ATP7A: variants seen among roughly 807,000 people sequenced by gnomAD.
ATP7A encodes the protein ATPase copper transporting alpha, also known as copper-transporting ATPase 1.
In ATP7A, 7 loss-of-function variants were observed where a neutral mutation model predicts 83.5. The ratio of observed to expected loss-of-function variants is 0.08; its 90% CI spans 0.05 to 0.16. The LOEUF (loss-of-function observed/expected upper bound fraction) is 0.16, where lower values mean the gene tolerates loss of function less well. Ranked by LOEUF, ATP7A falls within the 10% of genes least tolerant of loss-of-function variation. The pLI, the probability that ATP7A is intolerant of heterozygous loss-of-function variation, is 1.00. For synonymous variants in ATP7A, 354 were observed against 395.2 expected, an observed-to-expected ratio of 0.90 and a Z score of 1.24; for missense variants, 940 against 1,120.8, an observed-to-expected ratio of 0.84 and a Z score of 2.30.
chrX:77,999,311 T>G (rs1435135208), intron 5 of ATP7A, among the ~76,000 whole-genome samples: 1 of 111,707 alleles, frequency 9.0e-6, no homozygotes, highest in Non-Finnish European at 1.9e-5. Context: ...AATTTTCTTC[T>G]AAAGCTATGC....
At position 78,030,269 on chromosome X, in the gene ATP7A, CA is replaced by C. The variant is rs2077974370; in HGVS notation, c.3111+830del. On this transcript the variant is annotated intron_variant, in intron 15 of 22. Coordinates refer to ENST00000341514, the MANE Select transcript of ATP7A (RefSeq NM_000052.7). Reference sequence around the variant, plus strand: ...TGAAACCCCGTCTCTACTAAAAATACAAAAATTAGCTGGGCGAGTTGGCACA... The same window carrying C: ...TGAAACCCCGTCTCTACTAAAAATACAAAATTAGCTGGGCGAGTTGGCACA... Among the ~76,000 whole-genome samples, 3 of 110,984 alleles carry C rather than the reference CA, an allele frequency of 2.7e-5. No homozygotes were observed. In the South Asian group the frequency reaches 1.1e-3, roughly 42 times the overall value.
chrX:78,022,594 T>A (rs1230742587), intron 14 of ATP7A, among the ~76,000 whole-genome samples: 2 of 110,162 alleles, frequency 1.8e-5, no homozygotes, highest in Non-Finnish European at 3.8e-5. Context: ...CTCGGCTCAC[T>A]GCAACTTCCA....
At chrX:77,925,938 A>ATTTTTTTTTT in intron 1 of ATP7A, among the ~76,000 whole-genome samples, 1 of 103,719 alleles carries the variant, frequency 9.6e-6, no homozygotes, top group African/African-American at 3.6e-5. Context: ...TTTTAACGCC[A>ATTTTTTTTTT]TAAAGTGATC....
At chrX:78,012,789 A>C (rs1469330218) in intron 9 of ATP7A, 90 bp from the exon 10 acceptor site, 1 of 832,172 alleles carries the variant, frequency 1.2e-6, no homozygotes, top group African/African-American at 2.0e-5. Context: ...AAAGCCAAAG[A>C]AAGTGACTAT....
intron 1 of ATP7A, among the ~76,000 whole-genome samples, chrX:77,950,246 G>A (rs899969601): frequency 8.9e-6 from 1 of 112,154 alleles, no homozygotes; most frequent in African/African-American, 3.2e-5. Context: ...AGGGGACAGG[G>A]AAAAGGAATA....
intron 4 of ATP7A, among the ~76,000 whole-genome samples, chrX:77,990,644 G>T (rs782748467): frequency 8.9e-6 from 1 of 111,910 alleles, no homozygotes; most frequent in Non-Finnish European, 1.9e-5. Context: ...CAAAGTTTTC[G>T]TATTTCCTGA....
At chrX:77,939,315 T>G (rs1275650057) in intron 1 of ATP7A, among the ~76,000 whole-genome samples, 3 of 110,333 alleles carry the variant, frequency 2.7e-5, no homozygotes, top group Non-Finnish European at 5.7e-5. Context: ...AAAAAGTACA[T>G]ATATCCACTT....
chrX:77,984,862 G>T (rs1220371904), intron 2 of ATP7A, among the ~76,000 whole-genome samples: 2 of 112,223 alleles, frequency 1.8e-5, no homozygotes, highest in African/African-American at 3.2e-5. Flanking sequence ...AACAGAAATA[G>T]AATTTACTAA....
At chrX:77,937,862 A>T (rs2077328319) in intron 1 of ATP7A, among the ~76,000 whole-genome samples, 1 of 106,045 alleles carries the variant, frequency 9.4e-6, no homozygotes. Flanking sequence ...AGGTGATGGG[A>T]TGGTTCTCTC....
At chrX:78,029,818 T>C (rs1557236832) in intron 15 of ATP7A, among the ~76,000 whole-genome samples, 2 of 112,011 alleles carry the variant, frequency 1.8e-5, no homozygotes, top group Admixed American at 1.9e-4. Context: ...TTTTCTTCAC[T>C]GGGACCTTCA....
Position 78,046,907 on chromosome X carries a change from G to C in ATP7A, c.*337G>C. 1 of 188,050 alleles carries C rather than the reference G, an allele frequency of 5.3e-6. No individual in the cohort carries two copies. The highest frequency in any genetic ancestry group is 9.5e-6 in the Non-Finnish European group (1 of 105,099). The allele number at this position is 188,050 out of a possible 1,213,427, so 15.5% of individuals were successfully genotyped here. On this transcript the variant is annotated 3_prime_UTR_variant, in exon 23 of 23. Transcript: ENST00000341514. Reference sequence around the variant, plus strand: ...TTTGACCAAAAAAAAAAAGGCCCAAGAAGAAGAAAATGAAAAATTTGAAGA... The same window carrying C: ...TTTGACCAAAAAAAAAAAGGCCCAACAAGAAGAAAATGAAAAATTTGAAGA...
intron 2 of ATP7A, among the ~76,000 whole-genome samples, chrX:77,977,595 A>G (rs1557230448): frequency 8.9e-6 from 1 of 112,424 alleles, no homozygotes; most frequent in Non-Finnish European, 1.9e-5. Flanking sequence ...TTTGCATCAC[A>G]CTCATATGTA....
intron 1 of ATP7A, among the ~76,000 whole-genome samples, chrX:77,965,725 A>G (rs1210238236): frequency 3.6e-5 from 4 of 112,353 alleles, no homozygotes; most frequent in Admixed American, 2.8e-4. Flanking sequence ...CATAATAGCC[A>G]AAAGATGGAA....
At chrX:78,032,667 CT>C (rs782368702) in intron 16 of ATP7A, among the ~76,000 whole-genome samples, 8 of 111,705 alleles carry the variant, frequency 7.2e-5, no homozygotes, top group Non-Finnish European at 1.5e-4. Context: ...AGTTGTTTGT[CT>C]TTTTCTTATT....
chrX:78,017,966 C>T (rs1317609745), intron 12 of ATP7A, among the ~76,000 whole-genome samples: 6 of 104,812 alleles, frequency 5.7e-5, no homozygotes, highest in African/African-American at 2.1e-4. Context: ...TTATTAGAGA[C>T]GGGGTTTCAC....
intron 5 of ATP7A, among the ~76,000 whole-genome samples, chrX:78,002,410 T>A (rs1943563944): frequency 9.0e-6 from 1 of 110,681 alleles, no homozygotes; most frequent in Non-Finnish European, 1.9e-5. Flanking sequence ...CTCTGTCTTA[T>A]TAATTTCTAA....
intron 1 of ATP7A, among the ~76,000 whole-genome samples, chrX:77,942,341 A>G (rs2077355511): frequency 8.9e-6 from 1 of 112,020 alleles, no homozygotes. Flanking sequence ...GTTTTGGAGT[A>G]GAAGATTTAA....
At chrX:77,947,971 C>T (rs1442036003) in intron 1 of ATP7A, among the ~76,000 whole-genome samples, 1 of 105,750 alleles carries the variant, frequency 9.5e-6, no homozygotes, top group Non-Finnish European at 1.9e-5. Flanking sequence ...GAACTCCTGA[C>T]CTCAGGTGAT....
At chrX:77,924,857 T>A (rs1430327540) in intron 1 of ATP7A, among the ~76,000 whole-genome samples, 1 of 111,419 alleles carries the variant, frequency 9.0e-6, no homozygotes, top group Non-Finnish European at 1.9e-5. Context: ...ACGCCCAGCT[T>A]ATTTTTGTAT....
Sources: allele counts gnomAD v4.1 joint callset (sites outside exome capture counted in the v4.1 genomes callset), GRCh38; gene constraint gnomAD v4.1.1; transcripts MANE v1.5; gene names NCBI Gene and HGNC (gene_info 2026-07-23, HGNC 2026-07-21).